PDS5A: variants seen among roughly 807,000 people sequenced by gnomAD.
PDS5A encodes PDS5 cohesin associated factor A.
A neutral mutation model predicts 167.1 loss-of-function variants in PDS5A; 42 were observed. The observed-to-expected ratio is 0.25, with a 90% CI of 0.20 to 0.33. The LOEUF (loss-of-function observed/expected upper bound fraction) is 0.33. Ranked by LOEUF, PDS5A falls within the 10% of genes least tolerant of loss-of-function variation. PDS5A has a pLI of 1.00. For missense variants in PDS5A, 1,033 were observed against 1,605.9 expected, an observed-to-expected ratio of 0.64 and a Z score of 6.10; for synonymous variants, 553 against 554.6, an observed-to-expected ratio of 1.00 and a Z score of 0.04.
At chr4:39,875,041 T>C (rs966842844) in intron 19 of PDS5A, among the ~76,000 whole-genome samples, 1 of 152,208 alleles carries the variant, frequency 6.6e-6, no homozygotes, top group African/African-American at 2.4e-5. Context: ...AAAGATGTTA[T>C]TTAAGCCTCC....
rs190816817 is a variant in PDS5A at position 39,963,914 on chromosome 4, T to C, written c.138+12526A>G. On this transcript the variant is annotated intron_variant, in intron 2 of 32. Transcript: ENST00000303538. ...AAACAGAACACAAAGAAATTAGCTTTTTTTTCCCCCCCAGACCGACTCTCG... is the reference window on the plus strand; with the variant it reads ...AAACAGAACACAAAGAAATTAGCTTCTTTTTCCCCCCCAGACCGACTCTCG... Among the ~76,000 whole-genome samples, 6 of 152,006 alleles carry C rather than the reference T, an allele frequency of 3.9e-5. No individual in the cohort carries two copies. In the East Asian group the frequency reaches 7.7e-4, roughly 20 times the overall value.
intron 13 of PDS5A, among the ~76,000 whole-genome samples, chr4:39,901,650 TTC>T (rs1196626289): frequency 2.6e-5 from 4 of 152,104 alleles, no homozygotes; most frequent in Admixed American, 6.5e-5. Flanking sequence ...TAACTCAAAA[TTC>T]TCTCTCTTTT....
chr4:39,904,574 C>T lies in PDS5A; in HGVS notation c.1234-383G>A, dbSNP rs559344895. ...GTCTCGATCTCCTGACCTCATGATCCGCCCGCCTCGGCCCCCCAAAGTGCT... is the reference window on the plus strand; with the variant it reads ...GTCTCGATCTCCTGACCTCATGATCTGCCCGCCTCGGCCCCCCAAAGTGCT... On this transcript the variant is annotated intron_variant, in intron 11 of 32. Transcript: ENST00000303538. Among the ~76,000 whole-genome samples the T allele has an allele frequency of 3.3e-3, 509 of 152,304 alleles. 9 individuals carry two copies. The highest frequency in any genetic ancestry group is 6.3e-4 in the Non-Finnish European group (43 of 68,018).
chr4:39,889,442 C>T (rs1187495698), intron 17 of PDS5A, among the ~76,000 whole-genome samples: 6 of 152,164 alleles, frequency 3.9e-5, no homozygotes, highest in Non-Finnish European at 8.8e-5. Context: ...CAGTGATTCA[C>T]CTAAGGTGAA....
At chr4:39,954,271 G>A (rs187139842) in intron 2 of PDS5A, among the ~76,000 whole-genome samples, 41 of 152,120 alleles carry the variant, frequency 2.7e-4, no homozygotes, top group Admixed American at 4.6e-4. Context: ...GAGGTGGGAG[G>A]ATTGCTTGAG....
In PDS5A at chr4:39,952,700, T is replaced by G. The variant is rs374633981; in HGVS notation, c.138+23740A>C. On this transcript the variant is annotated intron_variant, in intron 2 of 32. Transcript: ENST00000303538. ...AAATCAGTGACCAATAAATTGTCAC[T>G]TGTCCCACAGTACACAGATCTGGAA... Among the ~76,000 whole-genome samples the G allele has an allele frequency of 8.2e-4, 125 of 152,000 alleles. 3 individuals are homozygous for G. The highest frequency in any genetic ancestry group is 7.6e-4 in the Non-Finnish European group (52 of 67,990).
chr4:39,967,657 T>C (rs949644305), intron 2 of PDS5A, among the ~76,000 whole-genome samples: 1 of 148,632 alleles, frequency 6.7e-6, no homozygotes, highest in Non-Finnish European at 1.5e-5. Flanking sequence ...AAAAAATAAA[T>C]AAATAAAATA....
At chr4:39,944,178 C>CAA (rs60344531) in intron 2 of PDS5A, among the ~76,000 whole-genome samples, 1,743 of 88,164 alleles carry the variant, frequency 0.02, 24 homozygotes, top group Non-Finnish European at 0.03. Flanking sequence ...GACTCCGTCT[C>CAA]AAAAAAAAAA....
intron 19 of PDS5A, 24 bp downstream of exon 19, chr4:39,876,969 C>A: frequency 6.4e-7 from 1 of 1,570,242 alleles, no homozygotes; most frequent in Non-Finnish European, 8.7e-7. Flanking sequence ...TTTGTATTTA[C>A]CACGGGAGAA....
chr4:39,976,609 T>C lies in PDS5A; in HGVS notation c.-32A>G, dbSNP rs780531911. On this transcript the variant is annotated 5_prime_UTR_variant, in exon 2 of 33. The change abolishes the stop of an existing upstream ORF in the 5' untranslated region. Coordinates refer to ENST00000303538, the MANE Select transcript of PDS5A (RefSeq NM_001100399.2). ...GGACAACTTTTGGTTCACAGTCCTCTACCGGCCTCTATCGGTCAGAAAACC... is the reference window on the plus strand; with the variant it reads ...GGACAACTTTTGGTTCACAGTCCTCCACCGGCCTCTATCGGTCAGAAAACC... 2 of 1,573,044 alleles carry C rather than the reference T, an allele frequency of 1.3e-6. No homozygotes were observed. Among genetic ancestry groups the C allele is most frequent in the East Asian group, 2.3e-5 (1 of 44,212 alleles).
chr4:39,976,822 C>T (rs1197498505), intron 1 of PDS5A, among the ~76,000 whole-genome samples: 2 of 152,198 alleles, frequency 1.3e-5, no homozygotes, highest in Non-Finnish European at 2.9e-5. Flanking sequence ...CACGGGGCTC[C>T]TCCGCACCAG....
intron 19 of PDS5A, among the ~76,000 whole-genome samples, chr4:39,874,775 CTTCAG>C (rs1438406032): frequency 2.6e-5 from 4 of 152,124 alleles, no homozygotes; most frequent in African/African-American, 9.7e-5. Context: ...TTATAATCCC[CTTCAG>C]TTATTTCAAA....
intron 30 of PDS5A, among the ~76,000 whole-genome samples, chr4:39,843,507 G>A (rs1278557649): frequency 6.6e-6 from 1 of 152,052 alleles, no homozygotes; most frequent in Non-Finnish European, 1.5e-5. Context: ...TCCAAGGTGG[G>A]CAGAGACTAG....
chr4:39,835,572 G>C (rs1045849022), intron 32 of PDS5A, among the ~76,000 whole-genome samples: 3 of 152,118 alleles, frequency 2.0e-5, no homozygotes, highest in African/African-American at 7.2e-5. Context: ...TCCCAGGCTG[G>C]AGTGTAGTGG....
chr4:39,919,680 A>G (rs1724735523), intron 7 of PDS5A, among the ~76,000 whole-genome samples: 1 of 152,194 alleles, frequency 6.6e-6, no homozygotes, highest in Admixed American at 6.5e-5. Context: ...ATGTGGGAAA[A>G]TAGTTATAAA....
chr4:39,829,011 T>C (rs1262841402), intron 32 of PDS5A, among the ~76,000 whole-genome samples: 1 of 152,040 alleles, frequency 6.6e-6, no homozygotes, highest in Non-Finnish European at 1.5e-5. Context: ...GGGCTGAACT[T>C]AGTGCAGCAA....
intron 17 of PDS5A, 55 bp from the exon 18 acceptor site, chr4:39,879,888 A>C: frequency 1.0e-6 from 1 of 991,614 alleles, no homozygotes; most frequent in South Asian, 1.3e-5. Context: ...ACTATATCCT[A>C]ATCACACTGT....
chr4:39,897,254 A>C (rs751665468), intron 16 of PDS5A, among the ~76,000 whole-genome samples: 1 of 151,898 alleles, frequency 6.6e-6, no homozygotes, highest in Non-Finnish European at 1.5e-5. Context: ...AATTAGCCAG[A>C]TGTGATGGCT....
Position 39,863,050 on chromosome 4 carries a change from C to G in PDS5A, c.2790G>C (p.Gln930His). 6.2e-7 allele frequency: 1 copy of G among 1,613,504 alleles called. No individual in the cohort carries two copies. Among genetic ancestry groups the G allele is most frequent in the Non-Finnish European group, 8.5e-7 (1 of 1,179,590 alleles). ...CCTTATGCAGCTTCTGAGCAAATAT[C>G]TGCCTTACTTGGTAACACTCATCCT... Reference protein sequence around the residue: ...VINDECYQVRQIFAQKLHKAL... With the variant: ...VINDECYQVRHIFAQKLHKAL... Residue 930 changes from glutamine (Q) to histidine (H), a missense_variant, in exon 25 of 33, where the codon CAG (glutamine) becomes CAC (histidine). Coordinates refer to ENST00000303538, the MANE Select transcript of PDS5A (RefSeq NM_001100399.2).
Sources: allele counts gnomAD v4.1 joint callset (sites outside exome capture counted in the v4.1 genomes callset), GRCh38; gene constraint gnomAD v4.1.1; transcripts MANE v1.5; gene names NCBI Gene and HGNC (gene_info 2026-07-23, HGNC 2026-07-21).